The following GRIA3 variants were observed in gnomAD, a reference collection of about 807,000 sequenced individuals.
The protein encoded by GRIA3 is glutamate ionotropic receptor AMPA type subunit 3.
In GRIA3, 3 loss-of-function variants were observed where a neutral mutation model predicts 63.0. The observed-to-expected ratio is 0.05, with a 90% CI of 0.02 to 0.12. The LOEUF (loss-of-function observed/expected upper bound fraction) is 0.12. GRIA3 is among the 10% of genes least tolerant of loss of function. GRIA3 has a pLI of 1.00. For missense variants in GRIA3, 347 were observed against 700.9 expected (o/e 0.50, Z 5.70); for synonymous variants, 274 against 257.9 (o/e 1.06, Z -0.60).
At chrX:123,420,864 G>T (rs572647021) in intron 11 of GRIA3, among the ~76,000 whole-genome samples, 2 of 110,878 alleles carry the variant, frequency 1.8e-5, no homozygotes. Context: ...TTCAAAGTAT[G>T]TATTTTATTA....
intron 12 of GRIA3, among the ~76,000 whole-genome samples, chrX:123,463,722 A>G (rs868323524): frequency 0.03 from 2,410 of 81,649 alleles, 335 homozygotes; most frequent in African/African-American, 0.1. Context: ...GAAAGAAAGA[A>G]AGAGAAAGAA....
intron 5 of GRIA3, among the ~76,000 whole-genome samples, chrX:123,359,349 C>CA (rs2045154312): frequency 1.8e-5 from 2 of 110,905 alleles, no homozygotes; most frequent in African/African-American, 3.3e-5. Context: ...ACCTCTATGG[C>CA]AAAAAATTGA....
chrX:123,361,935 T>A (rs1487431255), intron 5 of GRIA3, among the ~76,000 whole-genome samples: 1 of 111,724 alleles, frequency 9.0e-6, no homozygotes, highest in Non-Finnish European at 1.9e-5. Flanking sequence ...CAAAATAAGA[T>A]ATATAAAATA....
At chrX:123,187,973 C>T (rs1353564169) in intron 2 of GRIA3, among the ~76,000 whole-genome samples, 2 of 112,015 alleles carry the variant, frequency 1.8e-5, no homozygotes, top group Admixed American at 9.4e-5. Flanking sequence ...AATCCCTCAC[C>T]GTAAATTCAT....
chrX:123,320,534 C>T (rs1251036921), intron 3 of GRIA3, among the ~76,000 whole-genome samples: 1 of 111,155 alleles, frequency 9.0e-6, no homozygotes, highest in Middle Eastern at 4.2e-3. Context: ...AGTGATAGGC[C>T]TACTCAAGGT....
At chrX:123,402,489 G>A (rs1211452183) in intron 7 of GRIA3, among the ~76,000 whole-genome samples, 10 of 109,805 alleles carry the variant, frequency 9.1e-5, no homozygotes, top group Non-Finnish European at 1.7e-4. Context: ...TTAAGACACT[G>A]GGGTAAAAAA....
intron 3 of GRIA3, 141 bp downstream of exon 3, chrX:123,253,683 G>A: frequency 3.6e-6 from 2 of 548,461 alleles, no homozygotes; most frequent in South Asian, 6.4e-5. Context: ...TAAATCAAAG[G>A]TTAAGATTAA....
chrX:123,463,787 AGAGAAAGAAAG>A (rs2045819497), intron 12 of GRIA3, among the ~76,000 whole-genome samples: 1 of 100,422 alleles, frequency 1.0e-5, no homozygotes, highest in African/African-American at 4.7e-5. Context: ...AGAAAAAGAA[AGAGAAAGAAAG>A]AAGAAAGAGA....
Position 123,248,614 on chromosome X carries a change from C to T in GRIA3, c.269-4689C>T, listed in dbSNP as rs770094522. ...CAGCCTGACCAACATGGAGAAACCT[C>T]GTCTCTACTAAATATACAAAAATTA... On this transcript the variant is annotated intron_variant, in intron 2 of 15. Transcript: ENST00000620443. Among the ~76,000 whole-genome samples the T allele has an allele frequency of 4.5e-5, 5 of 110,535 alleles. No homozygotes were observed. The East Asian group carries it at 1.4e-3, about 32-fold the overall frequency.
At chrX:123,462,815 G>A (rs1188586585) in intron 12 of GRIA3, among the ~76,000 whole-genome samples, 1 of 111,442 alleles carries the variant, frequency 9.0e-6, no homozygotes, top group Non-Finnish European at 1.9e-5. Context: ...TGAAAACATG[G>A]TATATGTTTA....
chrX:123,275,773 C>G (rs1433386323), intron 3 of GRIA3, among the ~76,000 whole-genome samples: 1 of 111,895 alleles, frequency 8.9e-6, no homozygotes, highest in African/African-American at 3.3e-5. Context: ...TCTTAGTTAT[C>G]CTTTAAGACA....
chrX:123,441,565 C>T (rs9785633), intron 12 of GRIA3, among the ~76,000 whole-genome samples: 76 of 111,060 alleles, frequency 6.8e-4, no homozygotes, highest in African/African-American at 2.4e-3. Context: ...AAATGAGCTT[C>T]GGGAATCAAT....
chrX:123,479,630 T>A, intron 13 of GRIA3, among the ~76,000 whole-genome samples: 1 of 112,481 alleles, frequency 8.9e-6, no homozygotes, highest in East Asian at 2.8e-4. Context: ...ACACTTCCCC[T>A]TCTGGGTCTG....
intron 2 of GRIA3, among the ~76,000 whole-genome samples, chrX:123,230,186 G>A (rs929391761): frequency 4.5e-5 from 5 of 111,798 alleles, no homozygotes; most frequent in Non-Finnish European, 7.5e-5. Flanking sequence ...GTGCCATCAC[G>A]AAGTGGAGGA....
Position 123,223,797 on chromosome X carries a change from G to A in GRIA3, c.269-29506G>A, listed in dbSNP as rs73549564. On this transcript the variant is annotated intron_variant, in intron 2 of 15. Transcript: ENST00000620443. ...TACAAAGATCCTAAAATACAAATTT[G>A]AAAAAATAGAATCTGGCATGGCCTT... Among the ~76,000 whole-genome samples, 746 of 111,900 alleles carry A rather than the reference G, an allele frequency of 6.7e-3. 9 individuals are homozygous for A. Among genetic ancestry groups the A allele is most frequent in the African/African-American group, 0.023 (703 of 30,791 alleles).
intron 2 of GRIA3, among the ~76,000 whole-genome samples, chrX:123,186,395 T>C (rs1252851775): frequency 4.5e-5 from 5 of 111,791 alleles, no homozygotes; most frequent in Non-Finnish European, 7.5e-5. Context: ...AGCTTCTTGA[T>C]TGAGTCAATT....
At chrX:123,358,800 G>A (rs770424602) in intron 5 of GRIA3, 1 of 112,016 alleles carries the variant, frequency 8.9e-6, no homozygotes, top group Non-Finnish European at 1.9e-5. Context: ...AATCTCTCAT[G>A]GTAAGGTCCT....
chrX:123,246,927 A>G (rs2044362824), intron 2 of GRIA3, among the ~76,000 whole-genome samples: 1 of 110,209 alleles, frequency 9.1e-6, no homozygotes, highest in Non-Finnish European at 1.9e-5. Flanking sequence ...CAACACACAC[A>G]ATAAAACACA....
intron 2 of GRIA3, among the ~76,000 whole-genome samples, chrX:123,231,935 C>CTGAT (rs2044278330): frequency 8.9e-6 from 1 of 111,857 alleles, no homozygotes; most frequent in Admixed American, 9.5e-5. Flanking sequence ...AATCACTTCA[C>CTGAT]TGATTAAACA....
Sources: allele counts gnomAD v4.1 joint callset (sites outside exome capture counted in the v4.1 genomes callset), GRCh38; gene constraint gnomAD v4.1.1; transcripts MANE v1.5; gene names NCBI Gene and HGNC (gene_info 2026-07-23, HGNC 2026-07-21).